Variants in NUP210 observed in about 807,000 individuals in gnomAD.
NUP210 encodes nuclear pore membrane glycoprotein 210.
NUP210 carries 151 observed loss-of-function variants against 196.0 expected under a neutral mutation model. That is an observed-to-expected ratio of 0.77 (90% CI 0.67 to 0.88). The LOEUF (loss-of-function observed/expected upper bound fraction) is 0.88. Among genes scored for constraint, NUP210 ranks in the 40% least tolerant of loss-of-function variants. NUP210 has a pLI of 0.00. For synonymous variants in NUP210, 1,070 were observed against 1,052.7 expected (o/e 1.02, Z -0.32); for missense variants, 2,314 against 2,493.7 (o/e 0.93, Z 1.53).
In NUP210 at chr3:13,340,124, A is replaced by G; in HGVS notation, c.3292-91T>C. Reference sequence around the variant, plus strand: ...AGAGAGCCAGGGCCCCAGTGCAGGCAGCTTCTGCCTTCTTCTCCCAGTCAC... The same window carrying G: ...AGAGAGCCAGGGCCCCAGTGCAGGCGGCTTCTGCCTTCTTCTCCCAGTCAC... On this transcript the variant is annotated intron_variant, in intron 24 of 39. Coordinates refer to ENST00000254508, the MANE Select transcript of NUP210 (RefSeq NM_024923.4). This position sits in a 1 kb window ranked among gnomAD's most constrained non-coding sequence, Gnocchi z 4.0. The G allele has an allele frequency of 6.2e-7, 1 of 1,601,606 alleles. No individual in the cohort carries two copies. The highest frequency in any genetic ancestry group is 8.5e-7 in the Non-Finnish European group (1 of 1,171,716).
chr3:13,325,252 G>C (rs1401235281), intron 33 of NUP210, among the ~76,000 whole-genome samples: 1 of 152,184 alleles, frequency 6.6e-6, no homozygotes, highest in African/African-American at 2.4e-5. Flanking sequence ...GTCTGCAACT[G>C]GCTCGCCCAA....
chr3:13,321,934 C>T, intron 35 of NUP210, 99 bp from the exon 36 acceptor site: 3 of 1,494,428 alleles, frequency 2.0e-6, no homozygotes, highest in Non-Finnish European at 2.7e-6. Flanking sequence ...CCTATGCATC[C>T]TCCAAAGCCC....
chr3:13,341,566 T>A (rs1471058175), intron 23 of NUP210, among the ~76,000 whole-genome samples, 182 bp downstream of exon 23: 1 of 152,188 alleles, frequency 6.6e-6, no homozygotes, highest in Non-Finnish European at 1.5e-5. Flanking sequence ...GTTCTGCCAG[T>A]CTAACTTTGC....
chr3:13,343,336 T>TGGGGGGGGGG, intron 20 of NUP210, 33 bp from the exon 21 acceptor site: 7 of 260,372 alleles, frequency 2.7e-5, no homozygotes, highest in Middle Eastern at 4.7e-4. Context: ...GAGGGGTGGG[T>TGGGGGGGGGG]GGTGGGTTAC....
At chr3:13,343,342 G>GGGGGGGGGGGGGGGGGGGGGGGCCCC in intron 20 of NUP210, 39 bp from the exon 21 acceptor site, 1 of 655,994 alleles carries the variant, frequency 1.5e-6, no homozygotes, top group Non-Finnish European at 2.5e-6. Context: ...TGGGTGGTGG[G>GGGGGGGGGGGGGGGGGGGGGGGCCCC]TTACGCAGCT....
intron 35 of NUP210, 93 bp from the exon 36 acceptor site, chr3:13,321,928 T>C: frequency 6.6e-7 from 1 of 1,511,460 alleles, no homozygotes; most frequent in Non-Finnish European, 8.9e-7. Flanking sequence ...GGGATTCCTA[T>C]GCATCCTCCA....
chr3:13,365,951 G>C lies in NUP210; in HGVS notation c.1927C>G (p.Leu643Val), dbSNP rs932686583. The change falls in exon 14 of 40, where the codon CTC becomes GTC. Residue 643 changes from leucine to valine, a missense_variant. By Grantham distance (32) the Leu-to-Val change is conservative. Coordinates refer to ENST00000254508, the MANE Select transcript of NUP210 (RefSeq NM_024923.4). Reference protein sequence around the residue: ...AKITIAAYLPLKAVDPSSVAL... With the variant: ...AKITIAAYLPVKAVDPSSVAL... The stretch of plus-strand genomic sequence containing the variant: ...GGGCAGGGCCCCTGGCTCACCTTGA[G>C]GGGCAGGTAGGCAGCAATGGTGATC... 1.2e-6 allele frequency: 2 copies of C among 1,613,978 alleles called. No homozygotes were observed. Among genetic ancestry groups the C allele is most frequent in the African/African-American group, 2.7e-5 (2 of 74,946 alleles).
At chr3:13,371,627 G>T (rs1331041245) in intron 13 of NUP210, among the ~76,000 whole-genome samples, 2 of 152,244 alleles carry the variant, frequency 1.3e-5, no homozygotes, top group East Asian at 1.9e-4. Context: ...GCTGAGCGAG[G>T]CCACTGATTT....
intron 6 of NUP210, among the ~76,000 whole-genome samples, chr3:13,381,129 A>C (rs1490019195): frequency 1.3e-5 from 2 of 152,274 alleles, no homozygotes; most frequent in African/African-American, 4.8e-5. Flanking sequence ...TTATGTGTCT[A>C]GTGTTCAGAA....
chr3:13,335,054 G>A (rs190162054), intron 28 of NUP210, among the ~76,000 whole-genome samples: 1 of 152,324 alleles, frequency 6.6e-6, no homozygotes, highest in African/African-American at 2.4e-5. Context: ...ACTGAAAAAC[G>A]TGCAAGGGCG....
In NUP210 at chr3:13,332,185, G is replaced by T. The variant is rs962822807; in HGVS notation, c.3935+108C>A. 1.0e-5 allele frequency: 9 copies of T among 871,652 alleles called. No individual in the cohort carries two copies. The Admixed American group carries it at 1.6e-4, about 15-fold the overall frequency. 54.0% of individuals were successfully genotyped at this position (871,652 alleles called of 1,614,324 possible). A position where few individuals can be genotyped will look rare whatever the true frequency, so the allele number is the denominator to read the frequency against. On this transcript the variant is annotated intron_variant, in intron 29 of 39. Transcript: ENST00000254508. ...CTCACCCATTCCAAGCACAGCAGGA[G>T]AAAACCTCCCTGAAAGTACCCATGG...
chr3:13,336,015 G>A (rs891526033), intron 27 of NUP210, among the ~76,000 whole-genome samples: 1 of 152,258 alleles, frequency 6.6e-6, no homozygotes, highest in Non-Finnish European at 1.5e-5. Flanking sequence ...AAGTCTCACT[G>A]TTTGTGTTCC....
chr3:13,386,495 C>T, intron 5 of NUP210, 88 bp from the exon 6 acceptor site: 1 of 1,506,352 alleles, frequency 6.6e-7, no homozygotes, highest in Non-Finnish European at 9.1e-7. Context: ...ATGTTTTAAA[C>T]ATGGGAATAG....
chr3:13,320,814 C>A (rs1228263065), intron 36 of NUP210, among the ~76,000 whole-genome samples: 1 of 151,608 alleles, frequency 6.6e-6, no homozygotes, highest in East Asian at 1.9e-4. Flanking sequence ...ATGGCATGAA[C>A]CTGGGAGGTA....
intron 1 of NUP210, among the ~76,000 whole-genome samples, chr3:13,406,422 C>T (rs1439803620): frequency 1.3e-5 from 2 of 152,188 alleles, no homozygotes; most frequent in African/African-American, 4.8e-5. Context: ...CAGTCCCTGA[C>T]CAGTACAGGC....
chr3:13,373,584 G>A, intron 12 of NUP210, 134 bp downstream of exon 12: 1 of 807,018 alleles, frequency 1.2e-6, no homozygotes, highest in Non-Finnish European at 2.0e-6. Context: ...TAAGGGAAGG[G>A]CTGGGGCTTG....
intron 33 of NUP210, among the ~76,000 whole-genome samples, chr3:13,325,491 G>A (rs1032025125): frequency 6.6e-6 from 1 of 152,114 alleles, no homozygotes. Flanking sequence ...GGGAAGCACC[G>A]GCTCCCAGGA....
intron 11 of NUP210, among the ~76,000 whole-genome samples, chr3:13,375,060 G>A (rs1698852238): frequency 6.6e-6 from 1 of 151,502 alleles, no homozygotes; most frequent in Non-Finnish European, 1.5e-5. Flanking sequence ...TATATATAAT[G>A]CTTTCAAAAA....
intron 28 of NUP210, among the ~76,000 whole-genome samples, chr3:13,335,129 T>G (rs1168540297): frequency 1.3e-5 from 2 of 152,220 alleles, no homozygotes; most frequent in Non-Finnish European, 2.9e-5. Context: ...TATCAGCCAC[T>G]CAGACACAGT....
Sources: allele counts gnomAD v4.1 joint callset (sites outside exome capture counted in the v4.1 genomes callset), GRCh38; gene constraint gnomAD v4.1.1; non-coding constraint Gnocchi (gnomAD v3.1); transcripts MANE v1.5; gene names NCBI Gene and HGNC (gene_info 2026-07-23, HGNC 2026-07-21).